Variants in CSMD3 observed in about 807,000 individuals in gnomAD.
CSMD3 encodes the protein CUB and sushi domain-containing protein 3.
A neutral mutation model predicts 435.2 loss-of-function variants in CSMD3; 177 were observed. The observed-to-expected ratio is 0.41, with a 90% CI of 0.36 to 0.46. CSMD3 has a LOEUF of 0.46. CSMD3 is among the 20% of genes least tolerant of loss of function. The pLI is 0.34. For missense variants in CSMD3, 4,265 were observed against 4,504.6 expected, an observed-to-expected ratio of 0.95 and a Z score of 1.52; for synonymous variants, 1,656 against 1,520.5, an observed-to-expected ratio of 1.09 and a Z score of -2.07.
chr8:113,035,238 T>C lies in CSMD3; in HGVS notation c.918-16059A>G, dbSNP rs541816410. The stretch of plus-strand genomic sequence containing the variant: ...CCTAGACTGATCAAATAAAGAAAGA[T>C]AGGGAGGAATACAAACTTTGTCAGG... On this transcript the variant is annotated intron_variant, in intron 5 of 70. Transcript: ENST00000297405. Among the ~76,000 whole-genome samples the C allele has an allele frequency of 2.6e-5, 4 of 151,986 alleles. 1 individual carries two copies. The highest frequency in any genetic ancestry group is 6.8e-3 in the Middle Eastern group (2 of 294).
chr8:112,476,470 T>C (rs1336577619), intron 31 of CSMD3, among the ~76,000 whole-genome samples: 1 of 152,174 alleles, frequency 6.6e-6, no homozygotes, highest in African/African-American at 2.4e-5. Context: ...TTAGGGAATA[T>C]CATGCTATTT....
At chr8:112,706,112 A>T (rs1308368789) in intron 13 of CSMD3, among the ~76,000 whole-genome samples, 1 of 152,174 alleles carries the variant, frequency 6.6e-6, no homozygotes, top group Admixed American at 6.6e-5. Context: ...CATTGTAAAA[A>T]TCTCAAATCA....
intron 1 of CSMD3, among the ~76,000 whole-genome samples, chr8:113,377,493 C>G (rs1563762406): frequency 6.6e-6 from 1 of 152,072 alleles, no homozygotes; most frequent in Non-Finnish European, 1.5e-5. Flanking sequence ...TGGGAGCTTT[C>G]CTAGGATTTT....
chr8:113,233,273 A>G (rs541124250), intron 3 of CSMD3, among the ~76,000 whole-genome samples: 78 of 151,498 alleles, frequency 5.1e-4, no homozygotes, highest in Non-Finnish European at 9.2e-4. Flanking sequence ...TATATCTCTG[A>G]TTATTTCTAA....
intron 32 of CSMD3, among the ~76,000 whole-genome samples, chr8:112,438,460 T>G (rs1032823163): frequency 1.3e-5 from 2 of 152,130 alleles, no homozygotes; most frequent in Non-Finnish European, 2.9e-5. Flanking sequence ...TGTCCTAAAT[T>G]TTCAAAATGC....
chr8:112,645,205 T>C lies in CSMD3; in HGVS notation c.3214A>G (p.Arg1072Gly). ...GATAAGATTGTTCCACTAGGCCCTCTAACATCTCCTCCACATAATGCTGAA... is the reference window on the plus strand; with the variant it reads ...GATAAGATTGTTCCACTAGGCCCTCCAACATCTCCTCCACATAATGCTGAA... ...TCDALCGGDV[R>G]GPSGTILSPG... The change falls in exon 20 of 71, where the codon AGA becomes GGA. Residue 1072 changes from arginine (R) to glycine (G), a missense_variant. Arg to Gly is a moderately radical substitution (Grantham distance 125). Coordinates refer to ENST00000297405, the MANE Select transcript of CSMD3 (RefSeq NM_198123.2). 6.3e-7 allele frequency: 1 copy of C among 1,580,648 alleles called. No individual in the cohort carries two copies. Among genetic ancestry groups the C allele is most frequent in the Non-Finnish European group, 8.7e-7 (1 of 1,149,744 alleles).
chr8:113,129,336 T>C (rs2091225052), intron 4 of CSMD3, among the ~76,000 whole-genome samples: 1 of 152,076 alleles, frequency 6.6e-6, no homozygotes. Context: ...GTAGAGATGA[T>C]AGCTTAGAGA....
At chr8:112,824,507 A>G (rs2079619879) in intron 12 of CSMD3, among the ~76,000 whole-genome samples, 1 of 152,190 alleles carries the variant, frequency 6.6e-6, no homozygotes, top group South Asian at 2.1e-4. Context: ...TGATGGTGAC[A>G]AAATCCCTCA....
At chr8:113,063,039 T>C (rs531645385) in intron 5 of CSMD3, among the ~76,000 whole-genome samples, 2 of 151,750 alleles carry the variant, frequency 1.3e-5, no homozygotes, top group African/African-American at 4.8e-5. Flanking sequence ...TTTGACTGTT[T>C]ACATACACAT....
intron 22 of CSMD3, among the ~76,000 whole-genome samples, chr8:112,611,168 T>C (rs1246723297): frequency 6.6e-6 from 1 of 152,176 alleles, no homozygotes; most frequent in African/African-American, 2.4e-5. Flanking sequence ...GGAGATGGAA[T>C]GACTGAGAAA....
chr8:113,266,249 C>G (rs1046643895), intron 3 of CSMD3, among the ~76,000 whole-genome samples: 1 of 147,538 alleles, frequency 6.8e-6, no homozygotes, highest in African/African-American at 2.5e-5. Flanking sequence ...ACATGTTTGA[C>G]AGAGAACTAA....
chr8:112,754,486 A>T (rs2077645405), intron 13 of CSMD3, among the ~76,000 whole-genome samples: 1 of 152,166 alleles, frequency 6.6e-6, no homozygotes, highest in Admixed American at 6.5e-5. Context: ...GGAAAAAAAA[A>T]ATAGCAATTA....
chr8:112,639,758 G>A (rs942821978), intron 20 of CSMD3, among the ~76,000 whole-genome samples: 2 of 152,028 alleles, frequency 1.3e-5, no homozygotes, highest in Non-Finnish European at 2.9e-5. Context: ...CATAGTTGGG[G>A]GTGGTTCATT....
chr8:112,342,245 C>A (rs1262817439), intron 41 of CSMD3, among the ~76,000 whole-genome samples: 1 of 151,974 alleles, frequency 6.6e-6, no homozygotes, highest in Non-Finnish European at 1.5e-5. Context: ...TATATAATAA[C>A]CTTAATAAAA....
At chr8:112,520,371 A>T (rs1824145303) in intron 27 of CSMD3, among the ~76,000 whole-genome samples, 1 of 152,156 alleles carries the variant, frequency 6.6e-6, no homozygotes, top group South Asian at 2.1e-4. Flanking sequence ...GAGATCTTAA[A>T]TGCATGTTCT....
chr8:112,937,593 C>T (rs895264153), intron 9 of CSMD3, among the ~76,000 whole-genome samples: 8 of 151,912 alleles, frequency 5.3e-5, no homozygotes, highest in Admixed American at 3.3e-4. Flanking sequence ...TCAGGTGATC[C>T]GCCAGCCTCA....
intron 27 of CSMD3, among the ~76,000 whole-genome samples, chr8:112,534,793 C>T (rs1409099628): frequency 1.3e-5 from 2 of 152,046 alleles, no homozygotes; most frequent in Admixed American, 1.3e-4. Context: ...AAAATACTGG[C>T]AAACCGAATC....
At chr8:112,482,064 G>C (rs1485906929) in intron 31 of CSMD3, among the ~76,000 whole-genome samples, 3 of 151,586 alleles carry the variant, frequency 2.0e-5, no homozygotes, top group Non-Finnish European at 4.4e-5. Flanking sequence ...CCATTTTAAT[G>C]ACTCAATAAG....
intron 7 of CSMD3, among the ~76,000 whole-genome samples, chr8:112,958,553 A>C (rs1344612198): frequency 6.6e-6 from 1 of 152,200 alleles, no homozygotes; most frequent in Non-Finnish European, 1.5e-5. Flanking sequence ...GTTGTCTTCA[A>C]GATCAATATA....
Sources: gnomAD v4.1 joint callset for allele counts (sites outside exome capture counted in the v4.1 genomes callset) on GRCh38, gnomAD v4.1.1 for gene constraint, MANE v1.5 for transcripts, NCBI Gene and HGNC (gene_info 2026-07-23, HGNC 2026-07-21) for gene names.